The following FANCB variants were observed in gnomAD, a reference collection of about 807,000 sequenced individuals.
FANCB encodes FA complementation group B, also known as Fanconi anemia group B protein.
A neutral mutation model predicts 38.9 loss-of-function variants in FANCB; 5 were observed. That is an observed-to-expected ratio of 0.13 (90% CI 0.07 to 0.27). The LOEUF (loss-of-function observed/expected upper bound fraction) is 0.27, where lower values mean the gene tolerates loss of function less well. Among genes scored for constraint, FANCB ranks in the 10% least tolerant of loss-of-function variants. FANCB has a pLI of 1.00. For missense variants in FANCB, 573 were observed against 602.7 expected, an observed-to-expected ratio of 0.95 and a Z score of 0.52; for synonymous variants, 236 against 215.4, an observed-to-expected ratio of 1.10 and a Z score of -0.84.
the FANCB span, among the ~76,000 whole-genome samples, chrX:14,719,329 T>A: frequency 9.0e-6 from 1 of 111,699 alleles, no homozygotes; most frequent in Non-Finnish European, 1.9e-5. Context: ...ATCAAAAATA[T>A]ACAAGGAGCT....
rs2147390514 is a variant in FANCB, at chrX:14,845,013, G to A, written c.1770C>T (p.Phe590=). Residue 590 remains phenylalanine (F), a synonymous_variant, in exon 8 of 10, where the codon TTC becomes TTT. Coordinates refer to ENST00000650831, the MANE Select transcript of FANCB (RefSeq NM_001018113.3). The stretch of plus-strand genomic sequence containing the variant: ...GCAGTACAGTGCAACAAAATTTACT[G>A]AATGTTAAAAGTGGTGAAAGAGATG... ...AVTSLSPLLT[F]SKFCCTVLLQ... is the part of the protein sequence containing the mutation. 4.1e-6 allele frequency: 5 copies of A among 1,209,793 alleles called. No individual in the cohort carries two copies. The highest frequency in any genetic ancestry group is 5.6e-6 in the Non-Finnish European group (5 of 893,845).
At chrX:14,785,631 T>C in the FANCB span, among the ~76,000 whole-genome samples, 4 of 112,194 alleles carry the variant, frequency 3.6e-5, no homozygotes, top group Non-Finnish European at 7.5e-5. Context: ...ACAATCCTCC[T>C]CTGGTTCCCA....
chrX:14,692,994 T>C, the FANCB span, among the ~76,000 whole-genome samples: 1 of 110,450 alleles, frequency 9.1e-6, no homozygotes, highest in Non-Finnish European at 1.9e-5. Context: ...TATACATATG[T>C]AACTAACCTG....
chrX:14,849,817 A>C (rs1281745330), intron 7 of FANCB, among the ~76,000 whole-genome samples: 1 of 111,531 alleles, frequency 9.0e-6, no homozygotes, highest in Non-Finnish European at 1.9e-5. Flanking sequence ...AACTCAATGC[A>C]TTTGTGTAAA....
chrX:14,771,046 C>T, the FANCB span, among the ~76,000 whole-genome samples: 26 of 111,375 alleles, frequency 2.3e-4, no homozygotes, highest in African/African-American at 8.2e-4. Flanking sequence ...CCTGGCCTTT[C>T]TCTCTGGCTG....
the FANCB span, among the ~76,000 whole-genome samples, chrX:14,791,654 C>T: frequency 8.9e-6 from 1 of 111,965 alleles, no homozygotes; most frequent in Non-Finnish European, 1.9e-5. Context: ...AAGACATCTG[C>T]TACAGAGCTC....
At chrX:14,775,163 T>G in the FANCB span, among the ~76,000 whole-genome samples, 2 of 68,852 alleles carry the variant, frequency 2.9e-5, no homozygotes, top group East Asian at 3.9e-4. Flanking sequence ...CTCTAATGTT[T>G]TTTTTTTTTT....
chrX:14,837,701 T>C (rs886639753), intron 10 of FANCB, among the ~76,000 whole-genome samples: 2 of 112,513 alleles, frequency 1.8e-5, no homozygotes, highest in Non-Finnish European at 1.9e-5. Context: ...TTTGGTAATA[T>C]AAAACTGTCA....
At chrX:14,758,919 A>T in the FANCB span, among the ~76,000 whole-genome samples, 1 of 112,050 alleles carries the variant, frequency 8.9e-6, no homozygotes, top group East Asian at 2.8e-4. Flanking sequence ...ATTGATTATT[A>T]AGCTAATCAA....
chrX:14,730,246 G>A, the FANCB span: 5 of 1,199,177 alleles, frequency 4.2e-6, no homozygotes, highest in South Asian at 1.8e-5. Flanking sequence ...TAATTTTAGC[G>A]GTTATGGGAT....
At chrX:14,763,591 T>C in the FANCB span, among the ~76,000 whole-genome samples, 10 of 111,856 alleles carry the variant, frequency 8.9e-5, no homozygotes, top group African/African-American at 3.3e-4. Context: ...GTTACATGGG[T>C]GTTTGCTTTG....
the FANCB span, among the ~76,000 whole-genome samples, chrX:14,811,695 T>TA: frequency 9.0e-6 from 1 of 111,382 alleles, no homozygotes; most frequent in Non-Finnish European, 1.9e-5. Context: ...CAAAGAGACT[T>TA]AGACTCCCAT....
chrX:14,861,755 G>A (rs2092447697), intron 3 of FANCB, among the ~76,000 whole-genome samples: 1 of 112,473 alleles, frequency 8.9e-6, no homozygotes, highest in Non-Finnish European at 1.9e-5. Context: ...AATTGTTCAA[G>A]TGTAGTTACT....
At chrX:14,690,595 TA>T in the FANCB span, 1 of 491,100 alleles carries the variant, frequency 2.0e-6, no homozygotes, top group Non-Finnish European at 3.5e-6. Flanking sequence ...CCAAGGAAAT[TA>T]GGTTATTTTG....
the FANCB span, among the ~76,000 whole-genome samples, chrX:14,823,596 T>C: frequency 1.3e-3 from 145 of 112,205 alleles, 1 homozygote; most frequent in Middle Eastern, 4.6e-3. Flanking sequence ...TAGTTCCTTA[T>C]TTCCTCTTTA....
At chrX:14,796,761 C>T in the FANCB span, among the ~76,000 whole-genome samples, 1 of 106,503 alleles carries the variant, frequency 9.4e-6, no homozygotes, top group African/African-American at 3.4e-5. Context: ...AAGGAACTGG[C>T]TCATTTACAT....
At chrX:14,747,512 A>T in the FANCB span, among the ~76,000 whole-genome samples, 3 of 112,718 alleles carry the variant, frequency 2.7e-5, no homozygotes, top group Non-Finnish European at 5.6e-5. Context: ...ATGCCTTTAA[A>T]AATCAATACA....
chrX:14,848,916 C>T (rs999393934), intron 7 of FANCB, among the ~76,000 whole-genome samples: 3 of 110,500 alleles, frequency 2.7e-5, no homozygotes, highest in Non-Finnish European at 1.9e-5. Context: ...GTGACCCCCC[C>T]GGACCCAGCT....
At chrX:14,753,977 T>C in the FANCB span, among the ~76,000 whole-genome samples, 1 of 112,166 alleles carries the variant, frequency 8.9e-6, no homozygotes, top group African/African-American at 3.2e-5. Flanking sequence ...CTGGCAGAAG[T>C]TTACACAGCC....
Sources: gnomAD v4.1 joint callset for allele counts (sites outside exome capture counted in the v4.1 genomes callset) on GRCh38, gnomAD v4.1.1 for gene constraint, MANE v1.5 for transcripts, NCBI Gene and HGNC (gene_info 2026-07-23, HGNC 2026-07-21) for gene names.